The following PCDH1 variants were observed in gnomAD, a reference collection of about 807,000 sequenced individuals.
The protein encoded by PCDH1 is protocadherin-1.
In PCDH1, 23 loss-of-function variants were observed where a neutral mutation model predicts 74.6. That is an observed-to-expected ratio of 0.31 (90% CI 0.22 to 0.44). PCDH1 has a LOEUF of 0.44. Ranked by LOEUF, PCDH1 falls within the 20% of genes least tolerant of loss-of-function variation. The pLI is 1.00. For synonymous variants in PCDH1, 647 were observed against 686.1 expected, an observed-to-expected ratio of 0.94 and a Z score of 0.89; for missense variants, 1,214 against 1,641.4, an observed-to-expected ratio of 0.74 and a Z score of 4.50.
chr5:141,854,572 GCA>G (rs1418322992), intron 4 of PCDH1, 136 bp from the exon 5 acceptor site: 11 of 841,830 alleles, frequency 1.3e-5, no homozygotes, highest in Admixed American at 2.9e-5. Flanking sequence ...GAACTCACAG[GCA>G]CACACACCCT....
Position 141,869,023 on chromosome 5 carries a change from CG to C in PCDH1, c.448del (p.Arg150GlyfsTer3). 1 of 1,613,962 alleles carries C rather than the reference CG, an allele frequency of 6.2e-7. No homozygotes were observed. ...ITDLVQNGSP[R>X]LLEGQIEVQD... ...TACTTCTATCTGGCCCTCTAGCAGC[CG>C]GGGGCTGCCATTCTGCACGAGGTCT... On this transcript the variant is annotated frameshift_variant, in exon 2 of 5. Transcript: ENST00000287008. LOFTEE classifies it high-confidence loss of function. This position sits in a 1 kb window ranked among gnomAD's most constrained non-coding sequence, Gnocchi z 4.9.
At chr5:141,877,575 TTG>T (rs1040660542) in intron 1 of PCDH1, among the ~76,000 whole-genome samples, 2 of 152,136 alleles carry the variant, frequency 1.3e-5, no homozygotes, top group African/African-American at 4.8e-5. Context: ...TCACACCCGG[TTG>T]TGTTATTGCT....
At position 141,868,691 on chromosome 5, in the gene PCDH1, C is replaced by A; in HGVS notation, c.781G>T (p.Ala261Ser). 6.2e-7 allele frequency: 1 copy of A among 1,613,600 alleles called. No individual in the cohort carries two copies. The highest frequency in any genetic ancestry group is 8.5e-7 in the Non-Finnish European group (1 of 1,179,724). The change falls in exon 2 of 5, where the codon GCC becomes TCC. Residue 261 changes from alanine to serine, a missense_variant. This residue lies in a region of PCDH1 where 836 missense variants were observed against 1,182.2 expected (regional missense o/e 0.71). Transcript: ENST00000287008. The surrounding 1 kb of genome is among the most constrained non-coding windows in gnomAD (Gnocchi z 4.8). ...GTGACACGCAGCAGGGCACTGCTGG[C>A]GCGTGGGGGGCTGCCGCCATCCTGC... ...KVQDGGSPPR[A>S]SSALLRVTVL...
chr5:141,866,229 TG>T, intron 2 of PCDH1: 1 of 985,518 alleles, frequency 1.0e-6, no homozygotes, highest in Non-Finnish European at 1.2e-6. Flanking sequence ...TGGCACCGGC[TG>T]GCGAGGCACC....
chr5:141,864,179 G>A lies in PCDH1; in HGVS notation c.2152C>T (p.Pro718Ser). The change falls in exon 3 of 5, where the codon CCT becomes TCT. Residue 718 changes from proline (P) to serine (S), a missense_variant. Pro to Ser is a moderately conservative substitution (Grantham distance 74, BLOSUM62 -1). Around this residue, in one of 4 missense-constraint regions of PCDH1, gnomAD observed 836 missense variants for 1,182.2 expected, o/e 0.71. Transcript: ENST00000287008. This position sits in a 1 kb window ranked among gnomAD's most constrained non-coding sequence, Gnocchi z 5.9. ...AGCAGCTTGTGAGAGGTGTTAGAAG[G>A]GGCAGTGATATAGGGTGCGTTGTCA... ...ENDNAPYITAPSNTSHKLLTP... is the reference protein window; with the variant it reads ...ENDNAPYITASSNTSHKLLTP... 6.2e-7 allele frequency: 1 copy of A among 1,607,500 alleles called. No individual in the cohort carries two copies. The highest frequency in any genetic ancestry group is 8.5e-7 in the Non-Finnish European group (1 of 1,175,120).
chr5:141,866,250 A>C (rs1752829397), intron 2 of PCDH1: 3 of 985,466 alleles, frequency 3.0e-6, no homozygotes, highest in Non-Finnish European at 2.4e-6. Flanking sequence ...CAATGCGAGG[A>C]ATCCGGCCTG....
chr5:141,859,297 T>G (rs1372450419), intron 3 of PCDH1, among the ~76,000 whole-genome samples: 1 of 152,174 alleles, frequency 6.6e-6, no homozygotes, highest in Non-Finnish European at 1.5e-5. Context: ...AATTGAAGGC[T>G]TTGGTCCTGC....
chr5:141,857,620 C>T (rs1168931169), intron 3 of PCDH1, 149 bp from the exon 4 acceptor site: 8 of 626,682 alleles, frequency 1.3e-5, no homozygotes, highest in Non-Finnish European at 2.2e-5. Context: ...GCACATTCCT[C>T]CCGAAAGCAC....
Position 141,865,332 on chromosome 5 carries a change from G to A in PCDH1, c.999C>T (p.Asp333=). 6.2e-7 allele frequency: 1 copy of A among 1,614,172 alleles called. No individual in the cohort carries two copies. Among genetic ancestry groups the A allele is most frequent in the Non-Finnish European group, 8.5e-7 (1 of 1,180,034 alleles). Reference sequence around the variant, plus strand: ...GAACAGTGATAAGTCCAGTGTTCCTGTCCAGTCGAAGAAGACGCCTCACAA... The same window carrying A: ...GAACAGTGATAAGTCCAGTGTTCCTATCCAGTCGAAGAAGACGCCTCACAA... The part of the protein sequence containing the change: ...PEVVRRLLRL[D]RNTGLITVQG... The change falls in exon 3 of 5, where the codon GAC becomes GAT. Residue 333 remains aspartate, a synonymous_variant. Transcript: ENST00000287008. This position sits in a 1 kb window ranked among gnomAD's most constrained non-coding sequence, Gnocchi z 4.4.
chr5:141,862,728 G>C, intron 3 of PCDH1: 1 of 997,630 alleles, frequency 1.0e-6, no homozygotes, highest in Non-Finnish European at 1.2e-6. Flanking sequence ...GTGAGGAAGA[G>C]GTTAATGCAC....
chr5:141,877,470 G>A (rs190686845), intron 1 of PCDH1, among the ~76,000 whole-genome samples: 158 of 152,320 alleles, frequency 1.0e-3, no homozygotes, highest in Middle Eastern at 3.4e-3. Flanking sequence ...AATGTGGGGG[G>A]TGGCTAGGTT....
chr5:141,862,179 T>G (rs1257418362), intron 3 of PCDH1, among the ~76,000 whole-genome samples: 1 of 152,088 alleles, frequency 6.6e-6, no homozygotes, highest in Admixed American at 6.5e-5. Flanking sequence ...GGACTTGCCC[T>G]GGGGGAAGGT....
intron 1 of PCDH1, among the ~76,000 whole-genome samples, chr5:141,870,650 A>C (rs1350451388): frequency 1.3e-5 from 2 of 151,942 alleles, no homozygotes; most frequent in Admixed American, 6.6e-5. Context: ...GCCCTAGTCA[A>C]CCACAAGCTG....
chr5:141,866,154 C>G (rs556796775), intron 2 of PCDH1: 1 of 985,348 alleles, frequency 1.0e-6, no homozygotes, highest in African/African-American at 1.7e-5. Flanking sequence ...CCCTCCAGGC[C>G]GGGCCCCAGC....
At chr5:141,872,293 C>T (rs1753114404) in intron 1 of PCDH1, among the ~76,000 whole-genome samples, 1 of 152,208 alleles carries the variant, frequency 6.6e-6, no homozygotes, top group Admixed American at 6.5e-5. Context: ...TCACTGTGCA[C>T]CCTAATTCTC....
Position 141,864,932 on chromosome 5 carries a change from C to T in PCDH1, c.1399G>A (p.Glu467Lys), listed in dbSNP as rs1355495742. The T allele has an allele frequency of 3.7e-6, 6 of 1,613,998 alleles. No individual in the cohort carries two copies. The highest frequency in any genetic ancestry group is 2.7e-5 in the African/African-American group (2 of 74,886). ...TCAATGGTGTAGTCTTTGACCTTCT[C>T]GTAGTCTAGCGGGGTGGTAGTCTGC... ...FLQTTTPLDY[E>K]KVKDYTIEIV... The change falls in exon 3 of 5, where the codon GAG becomes AAG. Residue 467 changes from glutamate to lysine, a missense_variant. Glu to Lys is a moderately conservative substitution (Grantham distance 56, BLOSUM62 1). Around this residue, in one of 4 missense-constraint regions of PCDH1, gnomAD observed 836 missense variants for 1,182.2 expected, o/e 0.71. Transcript: ENST00000287008. The surrounding 1 kb of genome is among the most constrained non-coding windows in gnomAD (Gnocchi z 5.9).
intron 1 of PCDH1, among the ~76,000 whole-genome samples, chr5:141,874,206 C>G (rs1371095933): frequency 6.6e-6 from 1 of 152,178 alleles, no homozygotes; most frequent in Non-Finnish European, 1.5e-5. Flanking sequence ...TGCTGTTCAC[C>G]CAGGGGCCCG....
chr5:141,853,415 A>T lies in PCDH1; in HGVS notation c.*627T>A, dbSNP rs191069677. 206 of 152,474 alleles carry T rather than the reference A, an allele frequency of 1.4e-3. 1 individual carries two copies. Among genetic ancestry groups the T allele is most frequent in the Admixed American group, 2.5e-3 (38 of 15,310 alleles). 9.4% of individuals were successfully genotyped at this position (152,474 alleles called of 1,614,324 possible). ...GGTCCTTATATACAGACACTGCATG[A>T]CCAGCAGGGAATGGGGGCCCAGATG... On this transcript the variant is annotated 3_prime_UTR_variant, in exon 5 of 5. Transcript: ENST00000287008.
rs998745475 is a variant in PCDH1, at chr5:141,869,942, TC to T, written c.41-512del. Among the ~76,000 whole-genome samples, 7 of 152,168 alleles carry T rather than the reference TC, an allele frequency of 4.6e-5. No homozygotes were observed. The highest frequency in any genetic ancestry group is 3.4e-3 in the Middle Eastern group (1 of 294). The stretch of plus-strand genomic sequence containing the variant: ...ATGGTAGGAAAGAGACACAAGTACG[TC>T]CTTACACACCCCAGACCCTGGGACC... On this transcript the variant is annotated intron_variant, in intron 1 of 4. Transcript: ENST00000287008. The surrounding 1 kb of genome is among the most constrained non-coding windows in gnomAD (Gnocchi z 4.9).
Sources: allele counts gnomAD v4.1 joint callset (sites outside exome capture counted in the v4.1 genomes callset), GRCh38; gene constraint gnomAD v4.1.1; regional missense constraint gnomAD v4.1.1; non-coding constraint Gnocchi (gnomAD v3.1); transcripts MANE v1.5; gene names NCBI Gene and HGNC (gene_info 2026-07-23, HGNC 2026-07-21).